GRHL2: variants seen among roughly 807,000 people sequenced by gnomAD.
The protein encoded by GRHL2 is grainyhead-like protein 2 homolog.
Under a neutral mutation model 83.8 loss-of-function variants are expected in GRHL2, and 21 were observed. That is an observed-to-expected ratio of 0.25 (90% CI 0.18 to 0.36). GRHL2 has a LOEUF of 0.36. Among genes scored for constraint, GRHL2 ranks in the 10% least tolerant of loss-of-function variants. GRHL2 has a pLI of 1.00. For missense variants in GRHL2, 623 were observed against 781.8 expected (o/e 0.80, Z 2.42); for synonymous variants, 280 against 278.9 (o/e 1.00, Z -0.04).
chr8:101,520,070 A>G (rs1586414794), intron 1 of GRHL2, among the ~76,000 whole-genome samples: 1 of 152,206 alleles, frequency 6.6e-6, no homozygotes, highest in Non-Finnish European at 1.5e-5. Flanking sequence ...TGTTTGCCCT[A>G]TCTCCTTTTC....
At chr8:101,603,131 G>A (rs767776985) in intron 8 of GRHL2, among the ~76,000 whole-genome samples, 41 of 152,144 alleles carry the variant, frequency 2.7e-4, no homozygotes, top group South Asian at 1.0e-3. Flanking sequence ...CAACAAGCTG[G>A]ATAATACCAC....
intron 14 of GRHL2, among the ~76,000 whole-genome samples, chr8:101,653,707 A>G (rs987629018): frequency 1.3e-5 from 2 of 151,286 alleles, no homozygotes; most frequent in Non-Finnish European, 2.9e-5. Flanking sequence ...GTGCCACCAC[A>G]CTCCAGACTG....
intron 1 of GRHL2, among the ~76,000 whole-genome samples, chr8:101,531,224 A>C (rs1459158649): frequency 3.8e-5 from 2 of 52,214 alleles, no homozygotes. Flanking sequence ...CCTTATCTCA[A>C]AAAAAAAAAA....
At chr8:101,609,163 G>A (rs1054438716) in intron 8 of GRHL2, among the ~76,000 whole-genome samples, 1 of 150,350 alleles carries the variant, frequency 6.7e-6, no homozygotes, top group Non-Finnish European at 1.5e-5. Flanking sequence ...GAGGGGAGCT[G>A]GAGAAGGAAG....
intron 1 of GRHL2, among the ~76,000 whole-genome samples, chr8:101,539,146 A>T (rs1260905943): frequency 6.6e-6 from 1 of 152,146 alleles, no homozygotes; most frequent in East Asian, 1.9e-4. Context: ...GTAAATCGAG[A>T]CTTGGCTCTG....
At chr8:101,516,344 T>G (rs903335132) in intron 1 of GRHL2, among the ~76,000 whole-genome samples, 2 of 152,032 alleles carry the variant, frequency 1.3e-5, no homozygotes, top group Non-Finnish European at 2.9e-5. Flanking sequence ...AAATAGTAGT[T>G]TCCCCTACTC....
chr8:101,536,447 G>A (rs777954591), intron 1 of GRHL2, among the ~76,000 whole-genome samples: 2 of 152,184 alleles, frequency 1.3e-5, no homozygotes, highest in African/African-American at 2.4e-5. Context: ...TTTATAGTGT[G>A]TCAGTATATT....
chr8:101,554,027 A>G (rs958916801), intron 3 of GRHL2, among the ~76,000 whole-genome samples: 8 of 152,194 alleles, frequency 5.3e-5, no homozygotes, highest in Admixed American at 2.0e-4. Flanking sequence ...GTTCTTCCAT[A>G]TGGAAGTAAA....
chr8:101,615,054 T>C (rs752468377), intron 8 of GRHL2, among the ~76,000 whole-genome samples: 8 of 152,206 alleles, frequency 5.3e-5, no homozygotes, highest in Admixed American at 3.9e-4. Flanking sequence ...AGAGAGCCCA[T>C]TAGAGCTTCT....
At position 101,619,743 on chromosome 8, in the gene GRHL2, A is replaced by T. The variant is rs201082239; in HGVS notation, c.1257+46A>T. The T allele has an allele frequency of 2.8e-6, 4 of 1,433,180 alleles. No individual in the cohort carries two copies. In the South Asian group the frequency reaches 4.6e-5, roughly 16 times the overall value. The allele number at this position is 1,433,180 out of a possible 1,614,324, so 88.8% of individuals were successfully genotyped here. A position where few individuals can be genotyped will look rare whatever the true frequency, so the allele number is the denominator to read the frequency against. ...TTTATAAAGGTATCTTTTTTATTAG[A>T]TATTACTTTTAATGGCATTTCTTCC... is the stretch of plus-strand genomic sequence containing the variant. On this transcript the variant is annotated intron_variant, in intron 9 of 15. Coordinates refer to ENST00000646743, the MANE Select transcript of GRHL2 (RefSeq NM_024915.4).
chr8:101,610,607 G>T (rs1812728679), intron 8 of GRHL2, among the ~76,000 whole-genome samples: 1 of 150,774 alleles, frequency 6.6e-6, no homozygotes, highest in Admixed American at 6.6e-5. Context: ...CCGTTTAAAA[G>T]TATTATTTCA....
intron 7 of GRHL2, among the ~76,000 whole-genome samples, chr8:101,580,989 C>CA (rs1233848595): frequency 1.3e-5 from 2 of 152,236 alleles, no homozygotes; most frequent in African/African-American, 4.8e-5. Context: ...AGGCGTAAGC[C>CA]ACTGCGTGCC....
intron 3 of GRHL2, among the ~76,000 whole-genome samples, chr8:101,555,523 A>T (rs1001294476): frequency 1.3e-5 from 2 of 152,138 alleles, no homozygotes; most frequent in Non-Finnish European, 2.9e-5. Context: ...CATTCCATGC[A>T]ATGTTTAAAC....
chr8:101,568,695 A>G (rs552746120), intron 4 of GRHL2, among the ~76,000 whole-genome samples: 3 of 152,178 alleles, frequency 2.0e-5, no homozygotes, highest in African/African-American at 7.2e-5. Flanking sequence ...ACCAAAGCAG[A>G]TTGTGAAGCC....
At chr8:101,641,100 C>T (rs893555843) in intron 12 of GRHL2, among the ~76,000 whole-genome samples, 11 of 152,058 alleles carry the variant, frequency 7.2e-5, no homozygotes, top group Admixed American at 2.6e-4. Flanking sequence ...GTAACAGTTA[C>T]TAAATCTATG....
chr8:101,647,664 CTATT>C (rs1469592297), intron 13 of GRHL2, among the ~76,000 whole-genome samples: 1 of 152,146 alleles, frequency 6.6e-6, no homozygotes, highest in African/African-American at 2.4e-5. Context: ...GAGACACATT[CTATT>C]TATTTAATTG....
At chr8:101,542,718 C>T in intron 1 of GRHL2, 1 of 456,262 alleles carries the variant, frequency 2.2e-6, no homozygotes, top group South Asian at 1.6e-5. Flanking sequence ...ATTCTGGAGG[C>T]CCAGAAGTCC....
intron 1 of GRHL2, among the ~76,000 whole-genome samples, chr8:101,512,048 C>T (rs1203240142): frequency 6.6e-6 from 1 of 151,958 alleles, no homozygotes; most frequent in Admixed American, 6.6e-5. Flanking sequence ...TCTATTTATG[C>T]CTATGAAGCA....
At chr8:101,531,558 ACACACACACACACAC>A (rs1025346398) in intron 1 of GRHL2, among the ~76,000 whole-genome samples, 2 of 151,396 alleles carry the variant, frequency 1.3e-5, no homozygotes, top group African/African-American at 2.4e-5. Context: ...ATTTTGATTT[ACACACACACACACAC>A]CACACACACA....
Sources: allele counts gnomAD v4.1 joint callset (sites outside exome capture counted in the v4.1 genomes callset), GRCh38; gene constraint gnomAD v4.1.1; transcripts MANE v1.5; gene names NCBI Gene and HGNC (gene_info 2026-07-23, HGNC 2026-07-21).